TNFSF10: variants seen among roughly 807,000 people sequenced by gnomAD.
The protein encoded by TNFSF10 is TNF superfamily member 10.
TNFSF10 carries 13 observed loss-of-function variants against 29.5 expected under a neutral mutation model. That is an observed-to-expected ratio of 0.44 (90% CI 0.29 to 0.70). The LOEUF (loss-of-function observed/expected upper bound fraction) is 0.70. Ranked by LOEUF, TNFSF10 falls within the 30% of genes least tolerant of loss-of-function variation. The probability of loss-of-function intolerance (pLI) is 0.13; values close to 1 mark genes in which losing one functional copy is unlikely to be tolerated. For synonymous variants in TNFSF10, 111 were observed against 112.8 expected, an observed-to-expected ratio of 0.98 and a Z score of 0.10; for missense variants, 345 against 330.9, an observed-to-expected ratio of 1.04 and a Z score of -0.33.
At chr3:172,508,230 G>A (rs1202681472) in intron 4 of TNFSF10, among the ~76,000 whole-genome samples, 2 of 151,910 alleles carry the variant, frequency 1.3e-5, no homozygotes, top group East Asian at 1.9e-4. Context: ...GGGAGGCAAA[G>A]GTTGCAGTGA....
chr3:172,516,263 C>CAAAA (rs34276385), intron 1 of TNFSF10, among the ~76,000 whole-genome samples: 1 of 124,458 alleles, frequency 8.0e-6, no homozygotes, highest in Admixed American at 8.4e-5. Context: ...GACTCCATCT[C>CAAAA]AAAAAAAAAA....
intron 1 of TNFSF10, among the ~76,000 whole-genome samples, chr3:172,519,390 A>G (rs1363217451): frequency 6.6e-6 from 1 of 152,188 alleles, no homozygotes; most frequent in African/African-American, 2.4e-5. Context: ...TGGTTGATTC[A>G]ATCTTAAAAT....
intron 2 of TNFSF10, 57 bp from the exon 3 acceptor site, chr3:172,511,716 A>G: frequency 1.4e-6 from 2 of 1,472,698 alleles, no homozygotes; most frequent in East Asian, 4.7e-5. Context: ...AACTGACTAT[A>G]GAATGCCTAT....
chr3:172,508,831 G>A (rs868307717), intron 4 of TNFSF10, among the ~76,000 whole-genome samples: 1 of 151,970 alleles, frequency 6.6e-6, no homozygotes, highest in Non-Finnish European at 1.5e-5. Flanking sequence ...GGAGGTTGCA[G>A]TGAGCCGAGA....
At chr3:172,520,131 T>C (rs780117738) in intron 1 of TNFSF10, among the ~76,000 whole-genome samples, 1 of 152,238 alleles carries the variant, frequency 6.6e-6, no homozygotes, top group Non-Finnish European at 1.5e-5. Context: ...ATACAATGAA[T>C]TAAAATATAT....
At position 172,511,891 on chromosome 3, in the gene TNFSF10, A is replaced by G. The variant is rs17848027; in HGVS notation, c.271-232T>C. On this transcript the variant is annotated intron_variant, in intron 2 of 4. Transcript: ENST00000241261. The stretch of plus-strand genomic sequence containing the variant: ...ATCAAGGGATGGTCCCCTGCCTGGG[A>G]AGTTCTGTTGCTGGATGAAGTCTTG... 4.3e-4 allele frequency among the ~76,000 whole-genome samples: 65 copies of G among 152,274 alleles called. No individual in the cohort carries two copies. In the East Asian group the frequency reaches 0.012, roughly 29 times the overall value.
chr3:172,517,996 A>G (rs989061174), intron 1 of TNFSF10: 2 of 986,122 alleles, frequency 2.0e-6, no homozygotes, highest in African/African-American at 3.5e-5. Flanking sequence ...AACTTGGCCA[A>G]TGCTGGTGAC....
intron 1 of TNFSF10, chr3:172,522,417 T>C (rs914352509): frequency 4.6e-6 from 7 of 1,526,430 alleles, no homozygotes; most frequent in Non-Finnish European, 6.3e-6. Flanking sequence ...GATTTACCCA[T>C]TTGTGTTTGA....
chr3:172,520,979 C>T (rs1459698905), intron 1 of TNFSF10, among the ~76,000 whole-genome samples: 3 of 152,124 alleles, frequency 2.0e-5, no homozygotes, highest in African/African-American at 7.2e-5. Context: ...ATAAATGGTG[C>T]TGGGAAAACT....
chr3:172,508,888 T>TA (rs10543824), intron 4 of TNFSF10, among the ~76,000 whole-genome samples: 8 of 146,438 alleles, frequency 5.5e-5, no homozygotes, highest in South Asian at 2.2e-4. Context: ...AAACTCTGTC[T>TA]AAAAAAAAAA....
intron 3 of TNFSF10, among the ~76,000 whole-genome samples, chr3:172,509,700 T>C (rs1317631654): frequency 1.3e-5 from 2 of 152,230 alleles, no homozygotes; most frequent in African/African-American, 4.8e-5. Context: ...AATAACTACG[T>C]ATTGGCAAAT....
chr3:172,511,526 T>A, intron 3 of TNFSF10, 91 bp downstream of exon 3: 1 of 1,065,634 alleles, frequency 9.4e-7, no homozygotes, highest in East Asian at 2.6e-5. Flanking sequence ...GATGAGTGGA[T>A]GAGAACACAG....
At chr3:172,511,148 G>A (rs1713204693) in intron 3 of TNFSF10, among the ~76,000 whole-genome samples, 1 of 152,160 alleles carries the variant, frequency 6.6e-6, no homozygotes, top group Non-Finnish European at 1.5e-5. Context: ...CGCAGGATGA[G>A]GATCGTGGGT....
Position 172,514,935 on chromosome 3 carries a change from C to A in TNFSF10, c.196G>T (p.Asp66Tyr). 6.2e-7 allele frequency: 1 copy of A among 1,614,114 alleles called. No individual in the cohort carries two copies. Among genetic ancestry groups the A allele is most frequent in the Non-Finnish European group, 8.5e-7 (1 of 1,180,018 alleles). ...CFLKEDDSYW[D>Y]PNDEESMNSP... ...TTCATACTCTCTTCGTCATTGGGGT[C>A]CCAATAACTGTCATCTTCTTTTAAG... Residue 66 changes from aspartate (D) to tyrosine (Y), a missense_variant, in exon 2 of 5, where the codon GAC becomes TAC. Coordinates refer to ENST00000241261, the MANE Select transcript of TNFSF10 (RefSeq NM_003810.4).
chr3:172,506,987 G>A, intron 4 of TNFSF10, 68 bp from the exon 5 acceptor site: 3 of 1,181,820 alleles, frequency 2.5e-6, no homozygotes, highest in Non-Finnish European at 3.5e-6. Context: ...GAGCTTTTTT[G>A]CAGCTGTGGC....
At chr3:172,518,244 G>T in intron 1 of TNFSF10, 1 of 1,146,670 alleles carries the variant, frequency 8.7e-7, no homozygotes, top group Non-Finnish European at 1.1e-6. Flanking sequence ...TGCACTGGGT[G>T]CCTGTTCTTC....
Position 172,523,419 on chromosome 3 carries a change from A to G in TNFSF10, c.-35T>C. The G allele has an allele frequency of 6.3e-7, 1 of 1,594,282 alleles. No individual in the cohort carries two copies. Among genetic ancestry groups the G allele is most frequent in the Non-Finnish European group, 8.6e-7 (1 of 1,165,580 alleles). ...AGAGTCTGACTGCTGTAAGTCAGCC[A>G]GGCAGCCGGTCACTGAAGCCCTTCC... On this transcript the variant is annotated 5_prime_UTR_variant, in exon 1 of 5. Coordinates refer to ENST00000241261, the MANE Select transcript of TNFSF10 (RefSeq NM_003810.4).
intron 1 of TNFSF10, among the ~76,000 whole-genome samples, chr3:172,519,630 A>T (rs1233741646): frequency 6.6e-6 from 1 of 152,252 alleles, no homozygotes; most frequent in Non-Finnish European, 1.5e-5. Flanking sequence ...GTCCTACAAT[A>T]AACCTGACTT....
At chr3:172,512,657 T>C (rs1368238747) in intron 2 of TNFSF10, among the ~76,000 whole-genome samples, 1 of 152,206 alleles carries the variant, frequency 6.6e-6, no homozygotes, top group Non-Finnish European at 1.5e-5. Flanking sequence ...CAGCATTCTC[T>C]CTTATCTCTG....
Sources: gnomAD v4.1 joint callset for allele counts (sites outside exome capture counted in the v4.1 genomes callset) on GRCh38, gnomAD v4.1.1 for gene constraint, MANE v1.5 for transcripts, NCBI Gene and HGNC (gene_info 2026-07-23, HGNC 2026-07-21) for gene names.